The following OTUD7B variants were observed in gnomAD, a reference collection of about 807,000 sequenced individuals.
OTUD7B encodes OTU deubiquitinase 7B.
In OTUD7B, 34 loss-of-function variants were observed where a neutral mutation model predicts 82.2. The observed-to-expected ratio is 0.41, with a 90% CI of 0.31 to 0.55. The LOEUF is 0.55. Ranked by LOEUF, OTUD7B falls within the 20% of genes least tolerant of loss-of-function variation. The probability of loss-of-function intolerance (pLI) is 0.20; values close to 1 mark genes in which losing one functional copy is unlikely to be tolerated. For missense variants in OTUD7B, 944 were observed against 1,062.1 expected, an observed-to-expected ratio of 0.89 and a Z score of 1.55; for synonymous variants, 398 against 402.7, an observed-to-expected ratio of 0.99 and a Z score of 0.14.
chr1:150,047,025 C>T, the OTUD7B span, among the ~76,000 whole-genome samples: 1 of 152,060 alleles, frequency 6.6e-6, no homozygotes, highest in Non-Finnish European at 1.5e-5. Context: ...GAGCCAAGAT[C>T]ATGCCACTGC....
chr1:150,060,247 T>C, the OTUD7B span, among the ~76,000 whole-genome samples: 1 of 152,202 alleles, frequency 6.6e-6, no homozygotes, highest in Non-Finnish European at 1.5e-5. Context: ...ATTCCTGTGT[T>C]GAAGTCCTGA....
At position 149,998,307 on chromosome 1, in the gene OTUD7B, A is replaced by G. The variant is rs372947246; in HGVS notation, c.-67+12141T>C. ...CTGAATCAGTTTTCCTAAAATACTA[A>G]TTCATACAATACAATTCCCTACTCA... On this transcript the variant is annotated intron_variant, in intron 1 of 11. Transcript: ENST00000581312. 6.6e-5 allele frequency among the ~76,000 whole-genome samples: 10 copies of G among 152,190 alleles called. No individual in the cohort carries two copies. The East Asian group carries it at 1.2e-3, about 18-fold the overall frequency.
chr1:149,949,828 G>A (rs1648049970), intron 8 of OTUD7B, 50 bp from the exon 9 acceptor site: 1 of 1,572,534 alleles, frequency 6.4e-7, no homozygotes, highest in Non-Finnish European at 8.7e-7. Context: ...CTGCCTAGTG[G>A]ACAATCCCTA....
the OTUD7B span, among the ~76,000 whole-genome samples, chr1:150,023,089 G>T: frequency 1.3e-5 from 2 of 152,182 alleles, no homozygotes; most frequent in Non-Finnish European, 2.9e-5. Flanking sequence ...GCACAAAGGT[G>T]AATCTTAGTC....
chr1:149,964,094 T>G, intron 6 of OTUD7B, 128 bp downstream of exon 6: 1 of 1,084,894 alleles, frequency 9.2e-7, no homozygotes, highest in Non-Finnish European at 1.3e-6. Flanking sequence ...TTTTCTCCAA[T>G]TTTCAGGATC....
chr1:150,003,642 C>A (rs782778560), intron 1 of OTUD7B, among the ~76,000 whole-genome samples: 7 of 152,216 alleles, frequency 4.6e-5, no homozygotes, highest in Non-Finnish European at 8.8e-5. Flanking sequence ...ATACGCTCCT[C>A]GTGGGTTCCT....
chr1:149,952,492 T>C (rs1490503485), intron 7 of OTUD7B, among the ~76,000 whole-genome samples: 2 of 152,190 alleles, frequency 1.3e-5, no homozygotes, highest in African/African-American at 2.4e-5. Flanking sequence ...CTATTGTGAA[T>C]AGTGCCACAA....
chr1:150,015,654 C>G (rs1653245051), upstream of OTUD7B, among the ~76,000 whole-genome samples: 1 of 152,170 alleles, frequency 6.6e-6, no homozygotes, highest in South Asian at 2.1e-4. Context: ...TTCAAAAACT[C>G]TAGCAAACAT....
In OTUD7B at chr1:149,944,820, GCCC is replaced by G. The variant is rs1286903993; in HGVS notation, c.1566_1568del (p.Gly523del). Reference sequence around the variant, plus strand: ...GCTTTGAACCCTTGCTGTGCATCAGGCCCCCCATGTTCTTCTTGAGCTTGCTGC... The same window carrying G: ...GCTTTGAACCCTTGCTGTGCATCAGGCCCATGTTCTTCTTGAGCTTGCTGC... On this transcript the variant is annotated inframe_deletion, in exon 12 of 12. Coordinates refer to ENST00000581312, the MANE Select transcript of OTUD7B (RefSeq NM_020205.4). 6.2e-7 allele frequency: 1 copy of G among 1,614,006 alleles called. No homozygotes were observed. The highest frequency in any genetic ancestry group is 1.7e-5 in the Admixed American group (1 of 60,008).
chr1:149,957,800 T>C (rs1553774860), intron 7 of OTUD7B, among the ~76,000 whole-genome samples: 2 of 152,170 alleles, frequency 1.3e-5, no homozygotes, highest in African/African-American at 2.4e-5. Context: ...GTGCTAGCAG[T>C]GAGCAAGCCT....
At chr1:150,063,266 A>T in the OTUD7B span, among the ~76,000 whole-genome samples, 2 of 152,144 alleles carry the variant, frequency 1.3e-5, no homozygotes, top group African/African-American at 4.8e-5. Context: ...AGCCTGGCCA[A>T]CATGGTGAAA....
intron 1 of OTUD7B, among the ~76,000 whole-genome samples, chr1:149,992,957 T>G (rs1479650504): frequency 6.6e-6 from 1 of 151,640 alleles, no homozygotes; most frequent in Non-Finnish European, 1.5e-5. Context: ...TCAAGACCAG[T>G]CTGGCCAACA....
At chr1:150,028,655 A>AT in the OTUD7B span, among the ~76,000 whole-genome samples, 1 of 151,834 alleles carries the variant, frequency 6.6e-6, no homozygotes, top group South Asian at 2.1e-4. Flanking sequence ...CTGTCTCTAT[A>AT]TTTTTTATTG....
intron 1 of OTUD7B, among the ~76,000 whole-genome samples, chr1:149,978,109 A>G (rs1650451698): frequency 2.0e-5 from 3 of 152,206 alleles, no homozygotes; most frequent in Admixed American, 6.5e-5. Flanking sequence ...CCCTCAATAA[A>G]TATTTGTTGA....
At chr1:149,950,021 C>A in intron 8 of OTUD7B, 73 bp downstream of exon 8, 1 of 1,581,132 alleles carries the variant, frequency 6.3e-7, no homozygotes, top group Non-Finnish European at 8.6e-7. Flanking sequence ...TCCTGCCTTC[C>A]TTCCAATGCT....
At chr1:149,958,999 A>G (rs1230068470) in intron 7 of OTUD7B, among the ~76,000 whole-genome samples, 1 of 151,746 alleles carries the variant, frequency 6.6e-6, no homozygotes, top group Non-Finnish European at 1.5e-5. Context: ...AGGTGGGTGG[A>G]TCACTTGAGG....
In OTUD7B at chr1:149,974,632, C is replaced by G. The variant is rs587750320; in HGVS notation, c.85+2794G>C. ...TGGCAGAATCTCGACTCACCGCAGT[C>G]TCTGCCTCCCGGGTTTAAGAGATTC... is the stretch of plus-strand genomic sequence containing the variant. On this transcript the variant is annotated intron_variant, in intron 2 of 11. Coordinates refer to ENST00000581312, the MANE Select transcript of OTUD7B (RefSeq NM_020205.4). 5.0e-5 allele frequency among the ~76,000 whole-genome samples: 7 copies of G among 138,960 alleles called. No homozygotes were observed. The East Asian group carries it at 1.5e-3, about 30-fold the overall frequency. The allele number at this position is 138,960 out of a possible 152,430, so 91.2% of individuals were successfully genotyped here.
chr1:150,054,808 CA>C, the OTUD7B span: 6 of 41,730 alleles, frequency 1.4e-4, no homozygotes, highest in Non-Finnish European at 2.4e-4. Context: ...AACTCAGTCT[CA>C]AAAAAAAAAA....
intron 1 of OTUD7B, among the ~76,000 whole-genome samples, chr1:149,981,556 G>A (rs1355025625): frequency 1.3e-5 from 2 of 152,110 alleles, no homozygotes; most frequent in Non-Finnish European, 2.9e-5. Flanking sequence ...GTTAGACAAA[G>A]CATTTCTTTA....
Sources: gnomAD v4.1 joint callset for allele counts (sites outside exome capture counted in the v4.1 genomes callset) on GRCh38, gnomAD v4.1.1 for gene constraint, MANE v1.5 for transcripts, NCBI Gene and HGNC (gene_info 2026-07-23, HGNC 2026-07-21) for gene names.